The following NKAIN3 variants were observed in gnomAD, a reference collection of about 807,000 sequenced individuals.
NKAIN3 encodes the protein sodium/potassium transporting ATPase interacting 3.
A neutral mutation model predicts 30.2 loss-of-function variants in NKAIN3; 25 were observed. The ratio of observed to expected loss-of-function variants is 0.83; its 90% CI spans 0.60 to 1.16. NKAIN3 has a LOEUF of 1.16. NKAIN3 is among the 50% of genes most tolerant of loss of function. The pLI, the probability that NKAIN3 is intolerant of heterozygous loss-of-function variation, is 0.00. For synonymous variants in NKAIN3, 91 were observed against 89.6 expected (o/e 1.02, Z -0.09); for missense variants, 225 against 254.1 (o/e 0.89, Z 0.78).
At position 62,819,623 on chromosome 8, in the gene NKAIN3, T is replaced by A. The variant is rs572504103; in HGVS notation, c.471+72494T>A. 4.6e-5 allele frequency among the ~76,000 whole-genome samples: 7 copies of A among 152,172 alleles called. 1 individual carries two copies. The South Asian group carries it at 1.5e-3, about 32-fold the overall frequency. On this transcript the variant is annotated intron_variant, in intron 4 of 6. Coordinates refer to ENST00000623646, the MANE Select transcript of NKAIN3 (RefSeq NM_001304533.3). ...TAGGTACCAGCCATGTCATCAGGAATTAAAAAAATTTTAGTGAAGTTATTT... is the reference window on the plus strand; with the variant it reads ...TAGGTACCAGCCATGTCATCAGGAAATAAAAAAATTTTAGTGAAGTTATTT...
At chr8:62,331,059 CCTCCT>C (rs1333296664) in intron 1 of NKAIN3, among the ~76,000 whole-genome samples, 1 of 132,602 alleles carries the variant, frequency 7.5e-6, no homozygotes, top group South Asian at 2.6e-4. Context: ...TCTACCTCCT[CCTCCT>C]CTCTCTCTCT....
chr8:62,604,107 T>C (rs1290353439), intron 3 of NKAIN3, among the ~76,000 whole-genome samples: 1 of 152,018 alleles, frequency 6.6e-6, no homozygotes, highest in Non-Finnish European at 1.5e-5. Context: ...AGAGATTCCA[T>C]CCTTCCATGT....
chr8:62,302,728 A>G (rs767939847), intron 1 of NKAIN3, among the ~76,000 whole-genome samples: 2 of 152,080 alleles, frequency 1.3e-5, no homozygotes, highest in Non-Finnish European at 2.9e-5. Context: ...ACTGATCTCC[A>G]GAGAAAATGT....
At chr8:62,355,525 T>G (rs1816320975) in intron 1 of NKAIN3, among the ~76,000 whole-genome samples, 1 of 152,186 alleles carries the variant, frequency 6.6e-6, no homozygotes, top group South Asian at 2.1e-4. Context: ...ACAAGGTAAC[T>G]CAGCATCACA....
intron 1 of NKAIN3, among the ~76,000 whole-genome samples, chr8:62,315,526 G>A (rs1814589807): frequency 6.6e-6 from 1 of 152,102 alleles, no homozygotes; most frequent in South Asian, 2.1e-4. Context: ...GAAATGAGAG[G>A]GTAACCCAGC....
At chr8:62,287,568 A>C (rs1813419924) in intron 1 of NKAIN3, among the ~76,000 whole-genome samples, 1 of 152,112 alleles carries the variant, frequency 6.6e-6, no homozygotes, top group Non-Finnish European at 1.5e-5. Context: ...CATATAAAAT[A>C]AGATCTCTTT....
At chr8:62,775,677 T>C (rs1817170381) in intron 4 of NKAIN3, among the ~76,000 whole-genome samples, 1 of 152,086 alleles carries the variant, frequency 6.6e-6, no homozygotes, top group Admixed American at 6.6e-5. Context: ...TTCAGGAGCC[T>C]GTCATTAAAT....
At chr8:62,595,799 G>C (rs982673120) in intron 3 of NKAIN3, among the ~76,000 whole-genome samples, 1 of 151,968 alleles carries the variant, frequency 6.6e-6, no homozygotes, top group Non-Finnish European at 1.5e-5. Context: ...CTCGGGAGGG[G>C]TGCCTTCGAT....
At chr8:62,868,284 T>C (rs1298691365) in intron 4 of NKAIN3, among the ~76,000 whole-genome samples, 1 of 152,176 alleles carries the variant, frequency 6.6e-6, no homozygotes, top group East Asian at 1.9e-4. Flanking sequence ...ATCATACTGA[T>C]GGTATAGAGT....
At chr8:62,824,052 T>C (rs1336418663) in intron 4 of NKAIN3, among the ~76,000 whole-genome samples, 3 of 152,148 alleles carry the variant, frequency 2.0e-5, no homozygotes, top group Non-Finnish European at 4.4e-5. Flanking sequence ...GGCAATTCCA[T>C]GGGAACACTT....
intron 4 of NKAIN3, chr8:62,856,762 G>A (rs1820070898): frequency 7.5e-6 from 5 of 668,168 alleles, no homozygotes; most frequent in Non-Finnish European, 8.2e-6. Context: ...TTTGCACCTG[G>A]CTTATCCAAC....
At chr8:62,356,019 A>C (rs990210655) in intron 1 of NKAIN3, among the ~76,000 whole-genome samples, 5 of 152,206 alleles carry the variant, frequency 3.3e-5, no homozygotes, top group African/African-American at 1.2e-4. Context: ...CAACGGTGGC[A>C]GGTATAAGGG....
chr8:62,832,909 A>G (rs1354440465), intron 4 of NKAIN3, among the ~76,000 whole-genome samples: 1 of 152,086 alleles, frequency 6.6e-6, no homozygotes, highest in Non-Finnish European at 1.5e-5. Flanking sequence ...ATCTACACAC[A>G]AAACATACTC....
chr8:62,814,469 A>G (rs1024127294), intron 4 of NKAIN3, among the ~76,000 whole-genome samples: 1 of 152,066 alleles, frequency 6.6e-6, no homozygotes, highest in Non-Finnish European at 1.5e-5. Flanking sequence ...AAAATCGACC[A>G]CATAGTTGGA....
chr8:62,321,615 G>T (rs1407776049), intron 1 of NKAIN3, among the ~76,000 whole-genome samples: 1 of 152,240 alleles, frequency 6.6e-6, no homozygotes, highest in Non-Finnish European at 1.5e-5. Context: ...GTTTGCCTGG[G>T]TATCAGCAGC....
At chr8:62,762,289 C>T (rs1228666958) in intron 4 of NKAIN3, among the ~76,000 whole-genome samples, 1 of 150,486 alleles carries the variant, frequency 6.6e-6, no homozygotes, top group African/African-American at 2.5e-5. Context: ...GCAGTCCAGC[C>T]TGGGCAACAA....
At chr8:62,388,753 G>T (rs1018568099) in intron 1 of NKAIN3, among the ~76,000 whole-genome samples, 3 of 152,260 alleles carry the variant, frequency 2.0e-5, no homozygotes, top group East Asian at 1.9e-4. Flanking sequence ...GATTTCAGCC[G>T]GCTCTGGTTG....
intron 1 of NKAIN3, among the ~76,000 whole-genome samples, chr8:62,253,577 AAG>A (rs1412111968): frequency 6.6e-6 from 1 of 152,218 alleles, no homozygotes; most frequent in African/African-American, 2.4e-5. Flanking sequence ...TCTAAAAAGA[AAG>A]AAATACATAA....
chr8:62,508,095 G>A (rs548916576), intron 1 of NKAIN3, among the ~76,000 whole-genome samples: 7 of 152,274 alleles, frequency 4.6e-5, no homozygotes, highest in Admixed American at 1.3e-4. Context: ...TATATGTCCC[G>A]TTCCCTAGAT....
Sources: allele counts gnomAD v4.1 joint callset (sites outside exome capture counted in the v4.1 genomes callset), GRCh38; gene constraint gnomAD v4.1.1; transcripts MANE v1.5; gene names NCBI Gene and HGNC (gene_info 2026-07-23, HGNC 2026-07-21).